ARHGEF28: variants seen among roughly 807,000 people sequenced by gnomAD.
The protein encoded by ARHGEF28 is 190 kDa guanine nucleotide exchange factor.
ARHGEF28 carries 152 observed loss-of-function variants against 206.6 expected under a neutral mutation model. That is an observed-to-expected ratio of 0.74 (90% CI 0.64 to 0.84). The LOEUF is 0.84. Ranked by LOEUF, ARHGEF28 falls within the 40% of genes least tolerant of loss-of-function variation. ARHGEF28 has a pLI of 0.00. For synonymous variants in ARHGEF28, 763 were observed against 776.4 expected (o/e 0.98, Z 0.29); for missense variants, 2,028 against 2,073.2 (o/e 0.98, Z 0.42).
At chr5:73,802,227 T>G (rs1223444601) in intron 9 of ARHGEF28, among the ~76,000 whole-genome samples, 1 of 119,126 alleles carries the variant, frequency 8.4e-6, no homozygotes, top group African/African-American at 3.8e-5. Context: ...CCTTTAAAAG[T>G]TAATTATTTT....
chr5:73,925,957 A>G (rs1337085192), intron 35 of ARHGEF28, among the ~76,000 whole-genome samples: 4 of 152,158 alleles, frequency 2.6e-5, no homozygotes, highest in Admixed American at 2.0e-4. Context: ...CTCTTGGATT[A>G]ATACTTAGGA....
rs1205227916 is a variant in ARHGEF28, at chr5:73,740,614, C to T, written c.34-9223C>T. 2.0e-5 allele frequency among the ~76,000 whole-genome samples: 3 copies of T among 152,164 alleles called. No homozygotes were observed. The East Asian group carries it at 5.8e-4, about 29-fold the overall frequency. Reference sequence around the variant, plus strand: ...GACCCTCAGATATTTGCAGCGGTGACCATTTACCCATGAGTCGTCTCTTCT... The same window carrying T: ...GACCCTCAGATATTTGCAGCGGTGATCATTTACCCATGAGTCGTCTCTTCT... On this transcript the variant is annotated intron_variant, in intron 2 of 35. Coordinates refer to ENST00000513042, the MANE Select transcript of ARHGEF28 (RefSeq NM_001177693.2).
At chr5:73,852,562 A>G (rs533879086) in intron 13 of ARHGEF28, 88 bp from the exon 14 acceptor site, 20 of 1,133,334 alleles carry the variant, frequency 1.8e-5, no homozygotes, top group Admixed American at 3.5e-5. Flanking sequence ...GTATAATGAT[A>G]CAATATGGTT....
At chr5:73,800,039 TAATA>T (rs1268036647) in intron 9 of ARHGEF28, among the ~76,000 whole-genome samples, 1 of 152,152 alleles carries the variant, frequency 6.6e-6, no homozygotes, top group African/African-American at 2.4e-5. Context: ...ATTATAGAAA[TAATA>T]AATGTTCACA....
chr5:73,658,962 T>TACAC (rs55877309), intron 1 of ARHGEF28, among the ~76,000 whole-genome samples: 14,954 of 124,562 alleles, frequency 0.12, 806 homozygotes, highest in Middle Eastern at 0.15. Context: ...TGCATGCAGG[T>TACAC]ACACACACAC....
At chr5:73,932,160 A>AACT (rs894318003) in intron 35 of ARHGEF28, among the ~76,000 whole-genome samples, 5 of 152,224 alleles carry the variant, frequency 3.3e-5, no homozygotes, top group African/African-American at 4.8e-5. Flanking sequence ...ATAACAGAGA[A>AACT]ACTACTAAAG....
chr5:73,813,736 C>A, intron 9 of ARHGEF28: 1 of 1,494,202 alleles, frequency 6.7e-7, no homozygotes, highest in Non-Finnish European at 9.0e-7. Context: ...CTTTCTTTTC[C>A]GTGTTTCTTT....
intron 1 of ARHGEF28, among the ~76,000 whole-genome samples, chr5:73,648,183 G>T (rs1217511434): frequency 6.6e-6 from 1 of 152,144 alleles, no homozygotes; most frequent in Non-Finnish European, 1.5e-5. Flanking sequence ...TACATTCAGA[G>T]ATGCTTTTGG....
At chr5:73,733,358 A>C (rs1284828235) in intron 2 of ARHGEF28, among the ~76,000 whole-genome samples, 3 of 152,212 alleles carry the variant, frequency 2.0e-5, no homozygotes, top group Non-Finnish European at 2.9e-5. Flanking sequence ...TTTTCAGATG[A>C]GGAAAGGAAA....
chr5:73,717,233 G>C (rs1273862759), intron 2 of ARHGEF28, among the ~76,000 whole-genome samples: 1 of 152,032 alleles, frequency 6.6e-6, no homozygotes, highest in Non-Finnish European at 1.5e-5. Flanking sequence ...AAATTATTTA[G>C]TATGCTGGCT....
At chr5:73,752,307 C>A (rs1321023290) in intron 3 of ARHGEF28, among the ~76,000 whole-genome samples, 1 of 152,082 alleles carries the variant, frequency 6.6e-6, no homozygotes, top group African/African-American at 2.4e-5. Flanking sequence ...ATATTGAGAA[C>A]ACCTACAAGA....
chr5:73,762,173 AG>A (rs1380120928), intron 4 of ARHGEF28, among the ~76,000 whole-genome samples: 4 of 151,828 alleles, frequency 2.6e-5, no homozygotes, highest in Non-Finnish European at 5.9e-5. Flanking sequence ...ATCTATTTTG[AG>A]GCTGAGTGTG....
chr5:73,777,110 T>C (rs866801936), intron 6 of ARHGEF28, among the ~76,000 whole-genome samples: 3 of 152,156 alleles, frequency 2.0e-5, no homozygotes, highest in Non-Finnish European at 4.4e-5. Flanking sequence ...CCAGTACAGA[T>C]TCTGCTTGAA....
At chr5:73,829,451 G>A (rs1757154655) in intron 9 of ARHGEF28, among the ~76,000 whole-genome samples, 2 of 152,120 alleles carry the variant, frequency 1.3e-5, no homozygotes, top group South Asian at 4.1e-4. Flanking sequence ...CGCAATCTCG[G>A]CTCACTGCAA....
At chr5:73,837,855 C>A (rs1400333266) in intron 10 of ARHGEF28, among the ~76,000 whole-genome samples, 4 of 151,766 alleles carry the variant, frequency 2.6e-5, no homozygotes, top group Admixed American at 2.6e-4. Context: ...AATTCTTGTG[C>A]CTTAGCCTCC....
In ARHGEF28 at chr5:73,813,457, G is replaced by A. The variant is rs183083382; in HGVS notation, c.1024+18066G>A. ...TTTATTGCCTTTCCCTCCCTGGTGT[G>A]CAGGAGCTATTTCATCCAATCTCAT... On this transcript the variant is annotated intron_variant, in intron 9 of 35. Transcript: ENST00000513042. The A allele has an allele frequency of 3.3e-4, 484 of 1,448,738 alleles. 1 individual carries two copies. In the Admixed American group the frequency reaches 0.011, roughly 33 times the overall value. 89.7% of individuals were successfully genotyped at this position (1,448,738 alleles called of 1,614,324 possible).
At position 73,867,968 on chromosome 5, in the gene ARHGEF28, G is replaced by A. The variant is rs376396908; in HGVS notation, c.2245G>A (p.Val749Met). The change falls in exon 19 of 36, where the codon GTG becomes ATG. Residue 749 changes from valine to methionine, a missense_variant. Coordinates refer to ENST00000513042, the MANE Select transcript of ARHGEF28 (RefSeq NM_001177693.2). The stretch of plus-strand genomic sequence containing the variant: ...ATTGCCGACTGGAAGGAGGGAGACT[G>A]TGGGACAGGTCCATCCATTGTCCAG... ...VGLPTGRRETVGQVHPLSRSV... is the reference protein window; with the variant it reads ...VGLPTGRRETMGQVHPLSRSV... 1.2e-6 allele frequency: 2 copies of A among 1,613,874 alleles called. No homozygotes were observed. The highest frequency in any genetic ancestry group is 1.7e-6 in the Non-Finnish European group (2 of 1,179,894).
At chr5:73,896,177 C>CCTAA (rs1369066797) in intron 29 of ARHGEF28, among the ~76,000 whole-genome samples, 1 of 152,094 alleles carries the variant, frequency 6.6e-6, no homozygotes, top group Non-Finnish European at 1.5e-5. Context: ...GAGAGATTAG[C>CCTAA]CTAAAGACCT....
chr5:73,905,936 G>A (rs1036841219), intron 33 of ARHGEF28, among the ~76,000 whole-genome samples: 2 of 152,094 alleles, frequency 1.3e-5, no homozygotes, highest in Admixed American at 1.3e-4. Context: ...TTACTACTGA[G>A]ACAAAACATT....
Sources: gnomAD v4.1 joint callset for allele counts (sites outside exome capture counted in the v4.1 genomes callset) on GRCh38, gnomAD v4.1.1 for gene constraint, MANE v1.5 for transcripts, NCBI Gene and HGNC (gene_info 2026-07-23, HGNC 2026-07-21) for gene names.